Variants in RAB40C observed in about 807,000 individuals in gnomAD.
RAB40C encodes RAB40C, member RAS oncogene family, also known as ras-related protein Rab-40C.
A neutral mutation model predicts 28.1 loss-of-function variants in RAB40C; 8 were observed. The observed-to-expected ratio is 0.28, with a 90% CI of 0.17 to 0.51. RAB40C has a LOEUF of 0.51. RAB40C is among the 20% of genes least tolerant of loss of function. The pLI is 0.97. For missense variants in RAB40C, 288 were observed against 405.9 expected, an observed-to-expected ratio of 0.71 and a Z score of 2.50; for synonymous variants, 201 against 171.7, an observed-to-expected ratio of 1.17 and a Z score of -1.34.
chr16:602,761 C>G (rs986221702), intron 1 of RAB40C, among the ~76,000 whole-genome samples: 1 of 152,104 alleles, frequency 6.6e-6, no homozygotes, highest in African/African-American at 2.4e-5. Context: ...GAATTGAGGT[C>G]TTGCCATGTT....
At chr16:618,625 CGGG>C (rs2036640742) in intron 3 of RAB40C, among the ~76,000 whole-genome samples, 1 of 150,332 alleles carries the variant, frequency 6.7e-6, no homozygotes, top group Non-Finnish European at 1.5e-5. Flanking sequence ...ACAGGTCTGG[CGGG>C]GGCACTGGGG....
intron 3 of RAB40C, chr16:624,631 T>C: frequency 1.0e-6 from 1 of 985,470 alleles, no homozygotes; most frequent in Non-Finnish European, 1.2e-6. Flanking sequence ...TGTGATAGGC[T>C]CTTCCATTAC....
At chr16:589,954 C>T (rs1427303420), upstream of RAB40C, 2 of 148,194 alleles carry the variant, frequency 1.3e-5, no homozygotes, top group Admixed American at 6.7e-5. Flanking sequence ...TCTGGCGGCG[C>T]CGTGTGGAAC....
At chr16:623,937 A>G (rs1304377510) in intron 3 of RAB40C, 7 of 984,936 alleles carry the variant, frequency 7.1e-6, no homozygotes, top group African/African-American at 3.5e-5. Context: ...CCCTGTTTCA[A>G]AAAAAAAGAA....
Position 626,058 on chromosome 16 carries a change from A to G in RAB40C, c.502A>G (p.Thr168Ala). The change falls in exon 5 of 6, where the codon ACG becomes GCG. Residue 168 changes from threonine (T) to alanine (A), a missense_variant. By Grantham distance (58) the Thr-to-Ala change is moderately conservative. Around this residue, in one of 3 missense-constraint regions of RAB40C, gnomAD observed 153 missense variants for 262.4 expected, o/e 0.58. Coordinates refer to ENST00000248139, the MANE Select transcript of RAB40C (RefSeq NM_021168.5). ...CAACTTCAACGTCATCGAGTCCTTC[A>G]CGGAGCTATCCCGCATCGTGCTCAT... ...LCNFNVIESF[T>A]ELSRIVLMRH... The G allele has an allele frequency of 6.2e-7, 1 of 1,613,374 alleles. No homozygotes were observed. Among genetic ancestry groups the G allele is most frequent in the Non-Finnish European group, 8.5e-7 (1 of 1,179,992 alleles).
chr16:617,424 C>A (rs897250187), intron 2 of RAB40C, among the ~76,000 whole-genome samples, 156 bp downstream of exon 2: 2 of 152,184 alleles, frequency 1.3e-5, no homozygotes, highest in African/African-American at 4.8e-5. Context: ...GATTTTACTC[C>A]AACAGGAAAA....
At position 593,118 on chromosome 16, in the gene RAB40C, C is replaced by T. The variant is rs557065173; in HGVS notation, c.142+2685C>T. On this transcript the variant is annotated intron_variant, in intron 1 of 5. Transcript: ENST00000248139. ...GGAAGCGCCTCTGGGCTGTGGAACG[C>T]GCTTTCTGTGTCTAAGGTCTCAAGG... Among the ~76,000 whole-genome samples the T allele has an allele frequency of 6.6e-4, 101 of 152,318 alleles. 1 individual carries two copies. The Middle Eastern group carries it at 0.024, about 36-fold the overall frequency.
intron 1 of RAB40C, among the ~76,000 whole-genome samples, chr16:607,840 AAAG>A (rs2036395641): frequency 6.6e-6 from 1 of 152,130 alleles, no homozygotes; most frequent in Admixed American, 6.5e-5. Flanking sequence ...AGCAGACAAA[AAAG>A]AAAAAGAAAA....
intron 3 of RAB40C, among the ~76,000 whole-genome samples, chr16:622,839 A>T (rs933499994): frequency 2.0e-5 from 3 of 152,164 alleles, no homozygotes; most frequent in African/African-American, 7.2e-5. Context: ...GATCAGTTTT[A>T]GAAAACAGAA....
intron 1 of RAB40C, among the ~76,000 whole-genome samples, chr16:594,159 C>G (rs1317532804): frequency 6.6e-6 from 1 of 152,222 alleles, no homozygotes; most frequent in Admixed American, 6.5e-5. Context: ...CACAAACCTT[C>G]CTGGGAGCAA....
intron 1 of RAB40C, among the ~76,000 whole-genome samples, 162 bp downstream of exon 1, chr16:590,595 C>G (rs527602322): frequency 1.3e-5 from 2 of 152,292 alleles, no homozygotes; most frequent in East Asian, 3.9e-4. Flanking sequence ...GCGGGGTGCC[C>G]GTGCTCCAGT....
At position 625,452 on chromosome 16, in the gene RAB40C, CAT is replaced by C; in HGVS notation, c.286_287del (p.Ile96HisfsTer7). 6.2e-7 allele frequency: 1 copy of C among 1,613,462 alleles called. No homozygotes were observed. The highest frequency in any genetic ancestry group is 8.5e-7 in the Non-Finnish European group (1 of 1,179,880). ...GAQGILLVYD[I>X]TNRWSFDGID... ...TGCAGGGGATCCTCTTGGTGTATGA[CAT>C]CACCAACCGCTGGTCCTTTGACGGC... On this transcript the variant is annotated frameshift_variant, in exon 4 of 6. Transcript: ENST00000248139. LOFTEE classifies it high-confidence loss of function.
chr16:596,226 G>T, intron 1 of RAB40C: 1 of 447,790 alleles, frequency 2.2e-6, no homozygotes, highest in Non-Finnish European at 4.5e-6. Context: ...CAGGAAGGAA[G>T]CCACATCGGG....
Position 608,039 on chromosome 16 carries a change from G to A in RAB40C, c.143-9169G>A, listed in dbSNP as rs976459889. Among the ~76,000 whole-genome samples the A allele has an allele frequency of 3.9e-5, 6 of 152,056 alleles. No homozygotes were observed. The East Asian group carries it at 5.8e-4, about 15-fold the overall frequency. ...CCACACGTTCCTGGGCAGCCTCCAC[G>A]CCCATGTACTCACCTGTTCTCACGC... On this transcript the variant is annotated intron_variant, in intron 1 of 5. Transcript: ENST00000248139.
intron 3 of RAB40C, among the ~76,000 whole-genome samples, chr16:623,615 C>T (rs989262395): frequency 5.5e-5 from 8 of 146,038 alleles, no homozygotes; most frequent in African/African-American, 1.8e-4. Context: ...CCAGCCTGGG[C>T]GACAGAGTGA....
At position 597,438 on chromosome 16, in the gene RAB40C, A is replaced by G. The variant is rs183176216; in HGVS notation, c.142+7005A>G. 3.8e-3 allele frequency among the ~76,000 whole-genome samples: 579 copies of G among 150,914 alleles called. 2 individuals are homozygous for G. Among genetic ancestry groups the G allele is most frequent in the African/African-American group, 0.013 (534 of 41,150 alleles). ...GTGTAAACTGACCCTGATGAAAGACATGCCCATCCTGTGAGAGGGACAGCC... is the reference window on the plus strand; with the variant it reads ...GTGTAAACTGACCCTGATGAAAGACGTGCCCATCCTGTGAGAGGGACAGCC... On this transcript the variant is annotated intron_variant, in intron 1 of 5. Coordinates refer to ENST00000248139, the MANE Select transcript of RAB40C (RefSeq NM_021168.5).
chr16:627,896 G>A lies in RAB40C; in HGVS notation c.*274G>A, dbSNP rs758443759. 137 of 438,772 alleles carry A rather than the reference G, an allele frequency of 3.1e-4. No individual in the cohort carries two copies. Among genetic ancestry groups the A allele is most frequent in the Middle Eastern group, 5.6e-4 (1 of 1,786 alleles). 27.2% of individuals were successfully genotyped at this position (438,772 alleles called of 1,614,324 possible). On this transcript the variant is annotated 3_prime_UTR_variant, in exon 6 of 6. Transcript: ENST00000248139. ...CCCCAGCTGCCTGGGCTTGACCGGC[G>A]GGGAGCCTGGTTGGCCTTTCTTATT...
chr16:613,852 G>A (rs2036531718), intron 1 of RAB40C, among the ~76,000 whole-genome samples: 1 of 152,092 alleles, frequency 6.6e-6, no homozygotes. Flanking sequence ...CTAGACTTGG[G>A]TGACGTGCAT....
chr16:596,904 T>C (rs146294753), intron 1 of RAB40C, among the ~76,000 whole-genome samples: 53 of 152,294 alleles, frequency 3.5e-4, no homozygotes, highest in African/African-American at 1.2e-3. Flanking sequence ...GGCGGCGCAC[T>C]CTGATACAGG....
Sources: allele counts gnomAD v4.1 joint callset (sites outside exome capture counted in the v4.1 genomes callset), GRCh38; gene constraint gnomAD v4.1.1; regional missense constraint gnomAD v4.1.1; transcripts MANE v1.5; gene names NCBI Gene and HGNC (gene_info 2026-07-23, HGNC 2026-07-21).